Variants in TBC1D22A observed in about 807,000 individuals in gnomAD.
TBC1D22A encodes TBC1 domain family member 22A.
In TBC1D22A, 38 loss-of-function variants were observed where a neutral mutation model predicts 60.2. The observed-to-expected ratio is 0.63, with a 90% CI of 0.49 to 0.83. TBC1D22A has a LOEUF of 0.83. Among genes scored for constraint, TBC1D22A ranks in the 40% least tolerant of loss-of-function variants. TBC1D22A has a pLI of 0.00. For synonymous variants in TBC1D22A, 302 were observed against 281.7 expected (o/e 1.07, Z -0.72); for missense variants, 628 against 701.0 (o/e 0.90, Z 1.18).
intron 11 of TBC1D22A, among the ~76,000 whole-genome samples, chr22:47,069,960 G>GGAGCTGACTTGACGGTTCCAGA (rs1569416329): frequency 2.1e-4 from 23 of 110,216 alleles, no homozygotes; most frequent in South Asian, 3.0e-4. Context: ...CGGTCCCAGC[G>GGAGCTGACTTGACGGTTCCAGA]CTGTCCCCTG....
intron 1 of TBC1D22A, among the ~76,000 whole-genome samples, chr22:46,791,310 A>G (rs1192954823): frequency 1.3e-5 from 2 of 152,182 alleles, no homozygotes; most frequent in Non-Finnish European, 2.9e-5. Flanking sequence ...TTCAACAAAC[A>G]GAGATTCGTT....
chr22:47,084,904 A>G (rs2064615610), intron 11 of TBC1D22A, among the ~76,000 whole-genome samples: 4 of 152,242 alleles, frequency 2.6e-5, no homozygotes, highest in Admixed American at 6.5e-5. Context: ...TTACCAATCC[A>G]GAGGTTCATT....
At chr22:46,781,679 T>C (rs1254218202) in intron 1 of TBC1D22A, among the ~76,000 whole-genome samples, 1 of 152,200 alleles carries the variant, frequency 6.6e-6, no homozygotes, top group African/African-American at 2.4e-5. Context: ...CACAGCCTCT[T>C]GGGGCATCTC....
intron 10 of TBC1D22A, among the ~76,000 whole-genome samples, chr22:47,034,185 G>A (rs1239608014): frequency 1.3e-5 from 2 of 152,198 alleles, no homozygotes. Context: ...GCTGTTAAGT[G>A]AGCAACACGC....
intron 4 of TBC1D22A, among the ~76,000 whole-genome samples, chr22:46,863,286 A>G (rs185225598): frequency 6.6e-6 from 1 of 152,298 alleles, no homozygotes; most frequent in Non-Finnish European, 1.5e-5. Flanking sequence ...GGAGGAGATG[A>G]TGTTCCAAGG....
chr22:46,885,457 C>A (rs187795999), intron 5 of TBC1D22A, among the ~76,000 whole-genome samples: 1 of 152,124 alleles, frequency 6.6e-6, no homozygotes, highest in East Asian at 1.9e-4. Flanking sequence ...AAGCACGGAG[C>A]GTGGTGAGGA....
chr22:46,910,180 C>T (rs962138497), intron 7 of TBC1D22A, among the ~76,000 whole-genome samples: 9 of 152,192 alleles, frequency 5.9e-5, no homozygotes, highest in African/African-American at 2.2e-4. Context: ...TCTCAGGTGC[C>T]TGCTGTGTTA....
intron 8 of TBC1D22A, among the ~76,000 whole-genome samples, chr22:46,939,738 G>T (rs1365297078): frequency 6.6e-6 from 1 of 152,214 alleles, no homozygotes; most frequent in Non-Finnish European, 1.5e-5. Context: ...TGAAAATATG[G>T]GAGAAATGAC....
intron 1 of TBC1D22A, among the ~76,000 whole-genome samples, chr22:46,766,304 T>C (rs887183259): frequency 1.3e-5 from 2 of 151,448 alleles, no homozygotes; most frequent in Admixed American, 1.3e-4. Flanking sequence ...GCAATTTTTG[T>C]ATTTTTAGTA....
chr22:46,768,367 C>G (rs1017004404), intron 1 of TBC1D22A, among the ~76,000 whole-genome samples: 1 of 151,592 alleles, frequency 6.6e-6, no homozygotes, highest in Admixed American at 6.6e-5. Flanking sequence ...CGCCTGTAAT[C>G]CCAGCTGCTT....
chr22:47,047,690 A>G (rs1457291561), intron 11 of TBC1D22A, among the ~76,000 whole-genome samples: 1 of 152,134 alleles, frequency 6.6e-6, no homozygotes. Context: ...GAGAATGAAC[A>G]CTCAGTTGAC....
intron 4 of TBC1D22A, among the ~76,000 whole-genome samples, chr22:46,815,066 T>TTGTAGG (rs1228894825): frequency 1.3e-5 from 2 of 152,276 alleles, no homozygotes; most frequent in Non-Finnish European, 2.9e-5. Flanking sequence ...TTCCATTTGC[T>TTGTAGG]TGTAGGTGAA....
At chr22:46,780,049 G>A (rs572395915) in intron 1 of TBC1D22A, among the ~76,000 whole-genome samples, 15 of 152,212 alleles carry the variant, frequency 9.9e-5, no homozygotes, top group Non-Finnish European at 2.1e-4. Flanking sequence ...AAAGCTCCTA[G>A]AGTTAATTTC....
chr22:47,016,554 G>A (rs713808), intron 10 of TBC1D22A, among the ~76,000 whole-genome samples: 51,200 of 152,072 alleles, frequency 0.34, 9,121 homozygotes, highest in African/African-American at 0.45. Context: ...GGCAGTATGT[G>A]CTTGTAGGAC....
At chr22:47,033,129 C>T (rs565032792) in intron 10 of TBC1D22A, among the ~76,000 whole-genome samples, 27 of 152,326 alleles carry the variant, frequency 1.8e-4, no homozygotes, top group Non-Finnish European at 2.1e-4. Context: ...TTGAATTCCA[C>T]GTGTCAGTGC....
Position 46,797,531 on chromosome 22 carries a change from G to A in TBC1D22A, c.548G>A (p.Ser183Asn), listed in dbSNP as rs1415048979. 2 of 1,614,094 alleles carry A rather than the reference G, an allele frequency of 1.2e-6. No individual in the cohort carries two copies. Among genetic ancestry groups the A allele is most frequent in the Non-Finnish European group, 1.7e-6 (2 of 1,180,036 alleles). Residue 183 changes from serine (S) to asparagine (N), a missense_variant, in exon 4 of 13, where the codon AGC becomes AAC. Ser to Asn is a conservative substitution (Grantham distance 46). Coordinates refer to ENST00000337137, the MANE Select transcript of TBC1D22A (RefSeq NM_014346.5). The stretch of plus-strand genomic sequence containing the variant: ...ACGCTGGGTGGCACATCTGACCCCA[G>A]CACTCTCAGCAGCTCAGCGCTGAGC... Reference protein sequence around the residue: ...TVTLGGTSDPSTLSSSALSER... With the variant: ...TVTLGGTSDPNTLSSSALSER...
intron 11 of TBC1D22A, among the ~76,000 whole-genome samples, chr22:47,089,661 T>G (rs1417701090): frequency 6.6e-6 from 1 of 152,224 alleles, no homozygotes; most frequent in East Asian, 1.9e-4. Flanking sequence ...TTTGACTGTC[T>G]TAAAGATCCT....
chr22:46,985,232 G>C (rs190584603), intron 9 of TBC1D22A, among the ~76,000 whole-genome samples: 111 of 152,308 alleles, frequency 7.3e-4, no homozygotes, highest in African/African-American at 2.6e-3. Context: ...GTCTTCACCT[G>C]GACGGGGCAG....
intron 4 of TBC1D22A, among the ~76,000 whole-genome samples, chr22:46,826,071 T>C (rs34316660): frequency 0.012 from 1,754 of 152,128 alleles, 20 homozygotes; most frequent in Non-Finnish European, 0.019. Context: ...TTTAGTGAGA[T>C]GGGGTTTCAC....
Sources: allele counts gnomAD v4.1 joint callset (sites outside exome capture counted in the v4.1 genomes callset), GRCh38; gene constraint gnomAD v4.1.1; transcripts MANE v1.5; gene names NCBI Gene and HGNC (gene_info 2026-07-23, HGNC 2026-07-21).